GATAD2A: variants seen among roughly 807,000 people sequenced by gnomAD.
GATAD2A encodes GATA zinc finger domain containing 2A.
In GATAD2A, 12 loss-of-function variants were observed where a neutral mutation model predicts 68.5. That is an observed-to-expected ratio of 0.18 (90% CI 0.11 to 0.28). GATAD2A has a LOEUF of 0.28. Ranked by LOEUF, GATAD2A falls within the 10% of genes least tolerant of loss-of-function variation. The pLI, the probability that GATAD2A is intolerant of heterozygous loss-of-function variation, is 1.00. For missense variants in GATAD2A, 755 were observed against 868.5 expected (o/e 0.87, Z 1.64); for synonymous variants, 410 against 375.3 (o/e 1.09, Z -1.07).
At chr19:19,490,448 A>T (rs949283103) in intron 2 of GATAD2A, among the ~76,000 whole-genome samples, 5 of 152,074 alleles carry the variant, frequency 3.3e-5, no homozygotes, top group Admixed American at 3.3e-4. Flanking sequence ...ACTCTCCTCA[A>T]CCCTGCCGGG....
chr19:19,429,647 G>A (rs2053513094), intron 1 of GATAD2A, among the ~76,000 whole-genome samples: 1 of 151,754 alleles, frequency 6.6e-6, no homozygotes, highest in South Asian at 2.1e-4. Flanking sequence ...CAAGGAGGCT[G>A]TGGTTCCCAT....
At chr19:19,505,295 A>G in intron 11 of GATAD2A, 49 bp from the exon 12 acceptor site, 3 of 1,593,466 alleles carry the variant, frequency 1.9e-6, no homozygotes, top group Middle Eastern at 1.7e-4. Context: ...TCCTCCCAGG[A>G]GCCCTCCTGA....
chr19:19,419,039 C>G (rs998972212), intron 1 of GATAD2A, among the ~76,000 whole-genome samples: 22 of 152,152 alleles, frequency 1.4e-4, no homozygotes, highest in Admixed American at 3.3e-4. Flanking sequence ...GGCTGTCTCT[C>G]AGGGCCTGTA....
chr19:19,454,904 A>T (rs1280701109), intron 1 of GATAD2A, among the ~76,000 whole-genome samples: 2 of 152,252 alleles, frequency 1.3e-5, no homozygotes, highest in East Asian at 3.9e-4. Context: ...TTCAGGAGAA[A>T]CACTAGGCTA....
At chr19:19,413,151 G>T (rs1171076835) in intron 1 of GATAD2A, among the ~76,000 whole-genome samples, 1 of 152,178 alleles carries the variant, frequency 6.6e-6, no homozygotes, top group Admixed American at 6.5e-5. Context: ...GTTTCAAGTT[G>T]GTGGAATTTG....
At chr19:19,403,675 GCT>G (rs755355242), upstream of GATAD2A, among the ~76,000 whole-genome samples, 1 of 152,256 alleles carries the variant, frequency 6.6e-6, no homozygotes, top group African/African-American at 2.4e-5. Flanking sequence ...ACCACACTTT[GCT>G]CTGTTTGTAG....
chr19:19,479,021 G>A (rs1366993664), intron 2 of GATAD2A, among the ~76,000 whole-genome samples: 6 of 152,182 alleles, frequency 3.9e-5, no homozygotes, highest in Admixed American at 2.0e-4. Context: ...GAAGCATGGT[G>A]AAGAAAATGT....
At chr19:19,432,634 G>A (rs1186484799) in intron 1 of GATAD2A, among the ~76,000 whole-genome samples, 2 of 152,184 alleles carry the variant, frequency 1.3e-5, no homozygotes, top group Admixed American at 1.3e-4. Context: ...TTTTCAATTC[G>A]GGATGCAGAT....
At chr19:19,480,393 A>C (rs2058973361) in intron 2 of GATAD2A, among the ~76,000 whole-genome samples, 2 of 152,204 alleles carry the variant, frequency 1.3e-5, no homozygotes, top group Admixed American at 1.3e-4. Context: ...CAAGTAGCAA[A>C]TATAAGTTTT....
chr19:19,431,401 A>G lies in GATAD2A; in HGVS notation c.-7+25382A>G, dbSNP rs1200956360. On this transcript the variant is annotated intron_variant, in intron 1 of 11. Transcript: ENST00000683918. ...CTATCCCTGCTCGTCCATTCAATAA[A>G]TATTTATTAAGCGGCTGGGCGCGGT... 5.3e-5 allele frequency among the ~76,000 whole-genome samples: 8 copies of G among 151,318 alleles called. No homozygotes were observed. The South Asian group carries it at 6.3e-4, about 12-fold the overall frequency.
At chr19:19,414,868 G>C (rs1162382363) in intron 1 of GATAD2A, among the ~76,000 whole-genome samples, 1 of 119,014 alleles carries the variant, frequency 8.4e-6, no homozygotes, top group Non-Finnish European at 1.6e-5. Flanking sequence ...TTTGAGTCCT[G>C]AGGTCATTTT....
At position 19,434,443 on chromosome 19, in the gene GATAD2A, T is replaced by G. The variant is rs187555128; in HGVS notation, c.-7+28424T>G. Among the ~76,000 whole-genome samples the G allele has an allele frequency of 2.1e-3, 321 of 152,238 alleles. 2 individuals are homozygous for G. The highest frequency in any genetic ancestry group is 0.016 in the South Asian group (78 of 4,830). On this transcript the variant is annotated intron_variant, in intron 1 of 11. Transcript: ENST00000683918. ...GGTGCCTAAAGGTCTTTCCATAGAG[T>G]TCACTGGTGTTGTCCCCTATCCTTA...
intron 2 of GATAD2A, among the ~76,000 whole-genome samples, chr19:19,490,669 G>C (rs918387549): frequency 1.3e-5 from 2 of 152,084 alleles, no homozygotes; most frequent in African/African-American, 4.8e-5. Context: ...ATCATCTGAG[G>C]TCAGGAGTTC....
chr19:19,502,094 GACC>G, intron 10 of GATAD2A, 51 bp downstream of exon 10: 1 of 1,362,226 alleles, frequency 7.3e-7, no homozygotes, highest in South Asian at 1.2e-5. Flanking sequence ...CGCAGCCCGT[GACC>G]ACGTCAGTCG....
intron 1 of GATAD2A, among the ~76,000 whole-genome samples, chr19:19,396,941 T>C (rs186243700): frequency 7.9e-4 from 120 of 152,238 alleles, no homozygotes; most frequent in African/African-American, 2.7e-3. Flanking sequence ...ACTCCTGACC[T>C]CGTAATCTGC....
Position 19,495,879 on chromosome 19 carries a change from G to C in GATAD2A, c.750G>C (p.Gly250=). The change falls in exon 6 of 12, where the codon GGG becomes GGC. Residue 250 remains glycine (G), a synonymous_variant. Coordinates refer to ENST00000683918, the MANE Select transcript of GATAD2A (RefSeq NM_001384528.1). Reference sequence around the variant, plus strand: ...TCGTCATGCCCCCACTCGTCAGGGGGGCTCAGGTAAGCAGGGCTGTGCACA... The same window carrying C: ...TCGTCATGCCCCCACTCGTCAGGGGCGCTCAGGTAAGCAGGGCTGTGCACA... ...SQVVMPPLVR[G]AQQIHSIRQH... 6.2e-7 allele frequency: 1 copy of C among 1,612,414 alleles called. No individual in the cohort carries two copies. Among genetic ancestry groups the C allele is most frequent in the South Asian group, 1.1e-5 (1 of 91,020 alleles).
intron 1 of GATAD2A, among the ~76,000 whole-genome samples, chr19:19,464,184 C>T (rs2148002557): frequency 6.6e-6 from 1 of 152,312 alleles, no homozygotes; most frequent in South Asian, 2.1e-4. Context: ...CAGAGGGCTT[C>T]AGCATAGAGC....
At chr19:19,462,175 C>T (rs1418852030) in intron 1 of GATAD2A, among the ~76,000 whole-genome samples, 1 of 152,230 alleles carries the variant, frequency 6.6e-6, no homozygotes. Flanking sequence ...AACTTTGCTC[C>T]TGGGTCTGTG....
intron 1 of GATAD2A, among the ~76,000 whole-genome samples, chr19:19,420,598 C>T (rs905963512): frequency 2.0e-5 from 3 of 151,828 alleles, no homozygotes; most frequent in East Asian, 3.9e-4. Flanking sequence ...CCTTGGCCTC[C>T]GAAAGTGCTG....
Sources: gnomAD v4.1 joint callset for allele counts (sites outside exome capture counted in the v4.1 genomes callset) on GRCh38, gnomAD v4.1.1 for gene constraint, MANE v1.5 for transcripts, NCBI Gene and HGNC (gene_info 2026-07-23, HGNC 2026-07-21) for gene names.